CPA6: variants seen among roughly 807,000 people sequenced by gnomAD.
CPA6 encodes the protein carboxypeptidase A6.
In CPA6, 58 loss-of-function variants were observed where a neutral mutation model predicts 63.3. The ratio of observed to expected loss-of-function variants is 0.92; its 90% confidence interval spans 0.74 to 1.14. The LOEUF (loss-of-function observed/expected upper bound fraction) is 1.14, where lower values mean the gene tolerates loss of function less well. CPA6 is among the 50% of genes most tolerant of loss of function. The pLI, the probability that CPA6 is intolerant of heterozygous loss-of-function variation, is 0.00. For missense variants in CPA6, 565 were observed against 526.6 expected, an observed-to-expected ratio of 1.07 and a Z score of -0.71; for synonymous variants, 185 against 179.0, an observed-to-expected ratio of 1.03 and a Z score of -0.27.
chr8:67,447,423 T>C (rs1333130023), intron 8 of CPA6, among the ~76,000 whole-genome samples: 1 of 152,034 alleles, frequency 6.6e-6, no homozygotes, highest in African/African-American at 2.4e-5. Context: ...TCAAAGTATA[T>C]GTATCCTTAC....
At chr8:67,737,534 T>C (rs549873819) in intron 1 of CPA6, among the ~76,000 whole-genome samples, 1 of 152,186 alleles carries the variant, frequency 6.6e-6, no homozygotes, top group Non-Finnish European at 1.5e-5. Flanking sequence ...GACCCTCTCC[T>C]GCACTCACTT....
chr8:67,731,969 G>T (rs531051228), intron 1 of CPA6, among the ~76,000 whole-genome samples: 7 of 152,166 alleles, frequency 4.6e-5, no homozygotes, highest in African/African-American at 1.7e-4. Flanking sequence ...GGCAAGGGTC[G>T]CTTCTCTAAA....
intron 2 of CPA6, among the ~76,000 whole-genome samples, chr8:67,590,306 TG>T (rs1814080907): frequency 6.6e-6 from 1 of 151,670 alleles, no homozygotes; most frequent in Non-Finnish European, 1.5e-5. Flanking sequence ...ACATTTGGCT[TG>T]GTTCCAAGTC....
At chr8:67,585,988 G>A (rs1431630598) in intron 2 of CPA6, among the ~76,000 whole-genome samples, 1 of 152,094 alleles carries the variant, frequency 6.6e-6, no homozygotes, top group African/African-American at 2.4e-5. Flanking sequence ...TTGCTAGGCA[G>A]AATAGTAGGG....
chr8:67,597,797 C>A (rs1463677921), intron 2 of CPA6, among the ~76,000 whole-genome samples: 1 of 152,216 alleles, frequency 6.6e-6, no homozygotes, highest in Non-Finnish European at 1.5e-5. Context: ...ATGTCTCTAA[C>A]TCTACTCTTT....
chr8:67,630,110 AAATAAT>A (rs61666997), intron 1 of CPA6, among the ~76,000 whole-genome samples: 7,347 of 144,862 alleles, frequency 0.051, 229 homozygotes, highest in South Asian at 0.11. Flanking sequence ...GTCTCAATTA[AAATAAT>A]AATAATAATA....
At chr8:67,562,273 G>A (rs1246645420) in intron 2 of CPA6, among the ~76,000 whole-genome samples, 1 of 152,068 alleles carries the variant, frequency 6.6e-6, no homozygotes, top group Non-Finnish European at 1.5e-5. Context: ...TTCTCTTGCT[G>A]TACCTTTATC....
At chr8:67,446,389 A>G (rs1487985523) in intron 8 of CPA6, among the ~76,000 whole-genome samples, 1 of 152,030 alleles carries the variant, frequency 6.6e-6, no homozygotes, top group East Asian at 1.9e-4. Flanking sequence ...CCTTCCAAAG[A>G]ACTGGGGTTA....
intron 1 of CPA6, among the ~76,000 whole-genome samples, chr8:67,673,483 A>C (rs983656781): frequency 6.7e-6 from 1 of 150,358 alleles, no homozygotes; most frequent in South Asian, 2.1e-4. Flanking sequence ...TCCCGGGTTC[A>C]TGCCGTTCTC....
chr8:67,515,321 G>A (rs1587511054), intron 3 of CPA6, among the ~76,000 whole-genome samples: 2 of 151,922 alleles, frequency 1.3e-5, no homozygotes, highest in African/African-American at 4.8e-5. Context: ...GTCCCTTCTC[G>A]CCTCCACCTG....
At chr8:67,484,108 C>G (rs1350826419) in intron 7 of CPA6, among the ~76,000 whole-genome samples, 1 of 151,342 alleles carries the variant, frequency 6.6e-6, no homozygotes, top group Non-Finnish European at 1.5e-5. Flanking sequence ...CTCGCTCTAT[C>G]GCCCTGGCTG....
intron 8 of CPA6, among the ~76,000 whole-genome samples, chr8:67,434,513 G>A (rs988955446): frequency 2.0e-5 from 3 of 152,200 alleles, no homozygotes; most frequent in African/African-American, 7.2e-5. Context: ...TCTATCAGCT[G>A]TCACTTCTAG....
chr8:67,533,523 T>G (rs997337156), intron 2 of CPA6, among the ~76,000 whole-genome samples: 3 of 152,202 alleles, frequency 2.0e-5, no homozygotes, highest in African/African-American at 7.2e-5. Context: ...AGTTCGGATA[T>G]CAGCTGTCCT....
At chr8:67,436,008 G>C (rs1266369581) in intron 8 of CPA6, among the ~76,000 whole-genome samples, 2 of 151,112 alleles carry the variant, frequency 1.3e-5, no homozygotes, top group Non-Finnish European at 2.9e-5. Flanking sequence ...GCGTAAGGTG[G>C]GGGGAAATGC....
rs191214110 is a variant in CPA6 at position 67,662,552 on chromosome 8, G to A, written c.117-38301C>T. On this transcript the variant is annotated intron_variant, in intron 1 of 10. Transcript: ENST00000297770. ...ATGTATATATAGAATACATACACACGTATATGTATATATAGAATACATACA... is the reference window on the plus strand; with the variant it reads ...ATGTATATATAGAATACATACACACATATATGTATATATAGAATACATACA... Among the ~76,000 whole-genome samples the A allele has an allele frequency of 1.4e-3, 196 of 136,068 alleles. 5 individuals carry two copies. In the East Asian group the frequency reaches 0.035, roughly 24 times the overall value. 89.3% of individuals were successfully genotyped at this position (136,068 alleles called of 152,430 possible).
At chr8:67,722,477 GAAGTA>G (rs1817520227) in intron 1 of CPA6, among the ~76,000 whole-genome samples, 1 of 152,196 alleles carries the variant, frequency 6.6e-6, no homozygotes. Flanking sequence ...TGTGTGCGGT[GAAGTA>G]AACTAGGCTG....
At chr8:67,518,168 C>T in intron 2 of CPA6, 121 bp from the exon 3 acceptor site, 1 of 905,010 alleles carries the variant, frequency 1.1e-6, no homozygotes, top group East Asian at 2.8e-5. Context: ...TGGAATTAGA[C>T]TTAATGCTTG....
intron 3 of CPA6, among the ~76,000 whole-genome samples, chr8:67,512,487 AT>A (rs1259863562): frequency 6.6e-6 from 1 of 152,244 alleles, no homozygotes; most frequent in African/African-American, 2.4e-5. Context: ...GCATTTGGAA[AT>A]TAAAGGCTGA....
chr8:67,425,700 A>G (rs1809867268), intron 10 of CPA6, among the ~76,000 whole-genome samples: 1 of 152,150 alleles, frequency 6.6e-6, no homozygotes. Context: ...TGTAAAGATG[A>G]CAATTAAAAT....
Sources: allele counts gnomAD v4.1 joint callset (sites outside exome capture counted in the v4.1 genomes callset), GRCh38; gene constraint gnomAD v4.1.1; transcripts MANE v1.5; gene names NCBI Gene and HGNC (gene_info 2026-07-23, HGNC 2026-07-21).